Variants in RALGAPA1 observed in about 807,000 individuals in gnomAD.
RALGAPA1 encodes ral GTPase-activating protein subunit alpha-1.
In RALGAPA1, 52 loss-of-function variants were observed where a neutral mutation model predicts 269.6. That is an observed-to-expected ratio of 0.19 (90% CI 0.15 to 0.24). The LOEUF (loss-of-function observed/expected upper bound fraction) is 0.24, where lower values mean the gene tolerates loss of function less well. Among genes scored for constraint, RALGAPA1 ranks in the 10% least tolerant of loss-of-function variants. The pLI, the probability that RALGAPA1 is intolerant of heterozygous loss-of-function variation, is 1.00. For synonymous variants in RALGAPA1, 817 were observed against 1,008.3 expected, an observed-to-expected ratio of 0.81 and a Z score of 3.60; for missense variants, 1,917 against 3,013.9, an observed-to-expected ratio of 0.64 and a Z score of 8.52.
At chr14:35,681,622 G>C (rs1285735248) in intron 21 of RALGAPA1, among the ~76,000 whole-genome samples, 1 of 152,122 alleles carries the variant, frequency 6.6e-6, no homozygotes, top group African/African-American at 2.4e-5. Flanking sequence ...AGTTTTGATA[G>C]TATTAAAATT....
chr14:35,800,676 A>C (rs1404483442), intron 1 of RALGAPA1, among the ~76,000 whole-genome samples: 1 of 152,232 alleles, frequency 6.6e-6, no homozygotes, highest in Admixed American at 6.5e-5. Flanking sequence ...AACAACAAAA[A>C]GAGCAAATTA....
At chr14:35,625,819 C>G (rs2139588878) in intron 34 of RALGAPA1, among the ~76,000 whole-genome samples, 1 of 152,242 alleles carries the variant, frequency 6.6e-6, no homozygotes, top group South Asian at 2.1e-4. Context: ...ATCAAGTAAG[C>G]AAGTGTAATC....
At chr14:35,766,340 C>T in intron 4 of RALGAPA1, 1 of 1,224,408 alleles carries the variant, frequency 8.2e-7, no homozygotes, top group Non-Finnish European at 1.2e-6. Context: ...TCATGATTCC[C>T]AGTTTGACAA....
chr14:35,735,479 T>C (rs2070893373), intron 12 of RALGAPA1, among the ~76,000 whole-genome samples: 1 of 152,190 alleles, frequency 6.6e-6, no homozygotes, highest in Non-Finnish European at 1.5e-5. Context: ...AAACATCATA[T>C]GTTCTCACTG....
At chr14:35,672,153 T>C (rs1040273956) in intron 25 of RALGAPA1, among the ~76,000 whole-genome samples, 5 of 152,182 alleles carry the variant, frequency 3.3e-5, no homozygotes, top group Middle Eastern at 3.2e-3. Context: ...GAGACATGTT[T>C]ACAAGGTAGC....
chr14:35,688,356 ACCATC>A, intron 18 of RALGAPA1, 98 bp downstream of exon 18: 2 of 1,295,680 alleles, frequency 1.5e-6, no homozygotes, highest in Non-Finnish European at 2.1e-6. Context: ...GAAAGCAGTG[ACCATC>A]CCAAAGCTTT....
rs778700692 is a variant in RALGAPA1 at position 35,808,862 on chromosome 14, T to TGCCACA, written c.-33_-28dup. On this transcript the variant is annotated 5_prime_UTR_variant, in exon 1 of 42. Coordinates refer to ENST00000680220, the MANE Select transcript of RALGAPA1 (RefSeq NM_001346249.2). ...CTGTCGCTGCCACTGCCACTGCCAC[T>TGCCACA]GCCACAGCCGGCTCCCAGCCGGGTC... 1 of 1,598,048 alleles carries TGCCACA rather than the reference T, an allele frequency of 6.3e-7. No individual in the cohort carries two copies. The highest frequency in any genetic ancestry group is 8.5e-7 in the Non-Finnish European group (1 of 1,173,298).
At chr14:35,643,457 T>C (rs2062168550) in intron 31 of RALGAPA1, among the ~76,000 whole-genome samples, 1 of 152,194 alleles carries the variant, frequency 6.6e-6, no homozygotes, top group Non-Finnish European at 1.5e-5. Flanking sequence ...GTACAACCAC[T>C]ATGGAGAACA....
At chr14:35,782,082 G>T (rs1403944589) in intron 1 of RALGAPA1, among the ~76,000 whole-genome samples, 1 of 152,026 alleles carries the variant, frequency 6.6e-6, no homozygotes, top group African/African-American at 2.4e-5. Flanking sequence ...AAAATCCTAA[G>T]GAATCCACCA....
intron 16 of RALGAPA1, among the ~76,000 whole-genome samples, chr14:35,701,630 T>C (rs2067357538): frequency 6.6e-6 from 1 of 152,164 alleles, no homozygotes; most frequent in South Asian, 2.1e-4. Flanking sequence ...TCATCTCACC[T>C]GAAAAACTTT....
At chr14:35,620,057 G>C (rs1005056733) in intron 35 of RALGAPA1, among the ~76,000 whole-genome samples, 4 of 152,088 alleles carry the variant, frequency 2.6e-5, no homozygotes, top group African/African-American at 9.7e-5. Flanking sequence ...AAGCCTGGCA[G>C]ACACAACAAA....
intron 31 of RALGAPA1, among the ~76,000 whole-genome samples, chr14:35,640,925 A>T (rs924579917): frequency 2.7e-5 from 4 of 150,910 alleles, no homozygotes; most frequent in African/African-American, 4.9e-5. Flanking sequence ...ATGATTCAAC[A>T]TACACAAATC....
intron 26 of RALGAPA1, 87 bp from the exon 27 acceptor site, chr14:35,664,854 A>G (rs996085237): frequency 1.6e-6 from 2 of 1,234,166 alleles, no homozygotes; most frequent in Non-Finnish European, 2.3e-6. Flanking sequence ...ACTACATTAG[A>G]CAGGGAAGTG....
chr14:35,761,205 CA>C (rs2073670985), intron 5 of RALGAPA1, among the ~76,000 whole-genome samples, 199 bp from the exon 6 acceptor site: 1 of 152,098 alleles, frequency 6.6e-6, no homozygotes, highest in Admixed American at 6.6e-5. Flanking sequence ...GGATTTTTAA[CA>C]AGTATAGAAT....
intron 1 of RALGAPA1, among the ~76,000 whole-genome samples, chr14:35,797,126 A>G (rs1169028): frequency 0.75 from 114,009 of 151,786 alleles, 43,336 homozygotes; most frequent in East Asian, 1. Context: ...AGGCCGAGGC[A>G]GGCAGATCAC....
rs1318831205 is a variant in RALGAPA1, at chr14:35,539,518, A to C, written c.*196T>G. 2.5e-6 allele frequency: 4 copies of C among 1,608,120 alleles called. No individual in the cohort carries two copies. The South Asian group carries it at 4.4e-5, about 18-fold the overall frequency. ...GTTCGTGCTAAGGTGGCTACTGCTG[A>C]TCACTGCTGGGCTGCTTGTCTCCTT... On this transcript the variant is annotated 3_prime_UTR_variant, in exon 42 of 42. Coordinates refer to ENST00000680220, the MANE Select transcript of RALGAPA1 (RefSeq NM_001346249.2).
chr14:35,783,310 G>A (rs1169031), intron 1 of RALGAPA1, among the ~76,000 whole-genome samples: 112,684 of 150,770 alleles, frequency 0.75, 42,580 homozygotes, highest in East Asian at 0.98. Context: ...GAAAAGGAGG[G>A]AAAAAAAAAG....
chr14:35,691,863 G>A (rs929794223), intron 17 of RALGAPA1, among the ~76,000 whole-genome samples: 24 of 152,162 alleles, frequency 1.6e-4, no homozygotes, highest in African/African-American at 5.8e-4. Context: ...TTAACTTTTT[G>A]TCCTTAAACT....
At chr14:35,699,108 T>C (rs1370993771) in intron 17 of RALGAPA1, among the ~76,000 whole-genome samples, 1 of 152,246 alleles carries the variant, frequency 6.6e-6, no homozygotes, top group Non-Finnish European at 1.5e-5. Flanking sequence ...ATTTTTCTAT[T>C]ATTGTCATCA....
Sources: gnomAD v4.1 joint callset for allele counts (sites outside exome capture counted in the v4.1 genomes callset) on GRCh38, gnomAD v4.1.1 for gene constraint, MANE v1.5 for transcripts, NCBI Gene and HGNC (gene_info 2026-07-23, HGNC 2026-07-21) for gene names.